Variants in TEK observed in about 807,000 individuals in gnomAD.
TEK encodes angiopoietin-1 receptor.
TEK carries 43 observed loss-of-function variants against 131.8 expected under a neutral mutation model. The observed-to-expected ratio is 0.33, with a 90% CI of 0.26 to 0.42. The LOEUF (loss-of-function observed/expected upper bound fraction) is 0.42. Among genes scored for constraint, TEK ranks in the 10% least tolerant of loss-of-function variants. The pLI is 1.00. For synonymous variants in TEK, 580 were observed against 491.6 expected (o/e 1.18, Z -2.38); for missense variants, 1,162 against 1,384.4 (o/e 0.84, Z 2.55).
intron 1 of TEK, among the ~76,000 whole-genome samples, chr9:27,112,608 A>G (rs994711044): frequency 3.3e-5 from 5 of 152,174 alleles, no homozygotes; most frequent in African/African-American, 1.2e-4. Context: ...TGGGGAATTT[A>G]GGTGGGTGGG....
chr9:27,209,218 A>G lies in TEK; in HGVS notation c.2673A>G (p.Ala891=), dbSNP rs759300480. 3 of 1,612,968 alleles carry G rather than the reference A, an allele frequency of 1.9e-6. No homozygotes were observed. Among genetic ancestry groups the G allele is most frequent in the Non-Finnish European group, 2.5e-6 (3 of 1,178,934 alleles). ...HHPNIINLLG[A]CEHRGYLYLA... The stretch of plus-strand genomic sequence containing the variant: ...CAAACATCATCAATCTCTTAGGAGC[A>G]TGTGAACATCGAGGTAAGATGCTCT... The change falls in exon 16 of 23, where the codon GCA becomes GCG. Residue 891 remains alanine, a synonymous_variant. Coordinates refer to ENST00000380036, the MANE Select transcript of TEK (RefSeq NM_000459.5).
chr9:27,109,802 T>C (rs928848342), intron 1 of TEK, among the ~76,000 whole-genome samples, 160 bp downstream of exon 1: 1 of 152,204 alleles, frequency 6.6e-6, no homozygotes, highest in African/African-American at 2.4e-5. Context: ...TGTGGAAGGA[T>C]TGAAATGCAA....
intron 2 of TEK, 64 bp downstream of exon 2, chr9:27,158,206 G>C (rs1823412920): frequency 6.3e-7 from 1 of 1,595,646 alleles, no homozygotes; most frequent in East Asian, 2.2e-5. Context: ...CTTTTGTCTT[G>C]GCAGCTGCTC....
At chr9:27,142,630 G>A (rs112183166) in intron 1 of TEK, among the ~76,000 whole-genome samples, 25 of 152,220 alleles carry the variant, frequency 1.6e-4, no homozygotes, top group Admixed American at 1.3e-3. Flanking sequence ...GAGAGTACTC[G>A]TGTTTCTACT....
At chr9:27,139,225 A>G (rs1230591178) in intron 1 of TEK, among the ~76,000 whole-genome samples, 1 of 149,824 alleles carries the variant, frequency 6.7e-6, no homozygotes, top group East Asian at 1.9e-4. Context: ...AAAAAAAAAA[A>G]CAGTAGGATT....
chr9:27,171,200 A>C (rs980785590), intron 4 of TEK, among the ~76,000 whole-genome samples: 2 of 152,172 alleles, frequency 1.3e-5, no homozygotes, highest in Non-Finnish European at 2.9e-5. Context: ...GAACTTCACA[A>C]ATAGAAAGAA....
At chr9:27,222,901 G>A (rs1353304977) in intron 21 of TEK, among the ~76,000 whole-genome samples, 2 of 151,856 alleles carry the variant, frequency 1.3e-5, no homozygotes, top group Non-Finnish European at 2.9e-5. Flanking sequence ...ATACACATAG[G>A]CTCAAAATAA....
At chr9:27,224,447 G>A (rs1044689176) in intron 21 of TEK, among the ~76,000 whole-genome samples, 1 of 152,006 alleles carries the variant, frequency 6.6e-6, no homozygotes, top group African/African-American at 2.4e-5. Flanking sequence ...ATGCAAGGCT[G>A]GTTCAACATA....
At chr9:27,119,355 C>T (rs924272472) in intron 1 of TEK, among the ~76,000 whole-genome samples, 4 of 152,062 alleles carry the variant, frequency 2.6e-5, no homozygotes, top group African/African-American at 4.8e-5. Context: ...AGAACAGTGC[C>T]GGCTCATAGT....
intron 13 of TEK, among the ~76,000 whole-genome samples, 181 bp downstream of exon 13, chr9:27,203,300 C>G (rs1825287561): frequency 6.6e-6 from 1 of 152,168 alleles, no homozygotes; most frequent in South Asian, 2.1e-4. Flanking sequence ...GGTCCGTTTT[C>G]TATTATTGAA....
chr9:27,116,498 A>G (rs756946830), intron 1 of TEK, among the ~76,000 whole-genome samples: 1 of 152,106 alleles, frequency 6.6e-6, no homozygotes, highest in African/African-American at 2.4e-5. Context: ...CACGTTGGCC[A>G]TGTCTTGAAC....
At chr9:27,191,995 T>C (rs1329485399) in intron 10 of TEK, 2 of 454,028 alleles carry the variant, frequency 4.4e-6, no homozygotes, top group African/African-American at 4.0e-5. Context: ...ATACCATTTG[T>C]TTATGGGTGC....
At chr9:27,217,231 G>A (rs1825848863) in intron 18 of TEK, among the ~76,000 whole-genome samples, 1 of 152,118 alleles carries the variant, frequency 6.6e-6, no homozygotes, top group Non-Finnish European at 1.5e-5. Flanking sequence ...ACATCTTATA[G>A]AACCATGCTG....
At chr9:27,156,183 A>G (rs999976174) in intron 1 of TEK, among the ~76,000 whole-genome samples, 4 of 152,136 alleles carry the variant, frequency 2.6e-5, no homozygotes, top group African/African-American at 9.7e-5. Context: ...GATCTGAAAT[A>G]AAATTTGCCC....
intron 18 of TEK, among the ~76,000 whole-genome samples, chr9:27,215,114 A>T (rs1176744376): frequency 6.6e-6 from 1 of 151,972 alleles, no homozygotes; most frequent in East Asian, 1.9e-4. Context: ...TCCACAATCT[A>T]CCCATTCTAT....
chr9:27,206,537 T>C, intron 14 of TEK, 45 bp from the exon 15 acceptor site: 1 of 1,584,228 alleles, frequency 6.3e-7, no homozygotes, highest in Non-Finnish European at 8.6e-7. Context: ...CCCTTAGAAT[T>C]ATGAAAAATC....
intron 11 of TEK, among the ~76,000 whole-genome samples, chr9:27,196,055 G>A (rs1824996951): frequency 6.6e-6 from 1 of 152,156 alleles, no homozygotes; most frequent in Admixed American, 6.5e-5. Context: ...TCTTGCTAAG[G>A]GGAAGGAACC....
At chr9:27,112,574 C>T (rs1821388696) in intron 1 of TEK, among the ~76,000 whole-genome samples, 1 of 152,172 alleles carries the variant, frequency 6.6e-6, no homozygotes, top group Non-Finnish European at 1.5e-5. Context: ...CTAAGTTCAT[C>T]TCAAAAGACT....
chr9:27,226,454 CAACATTCTCAGGAAACT>C (rs536514476), intron 21 of TEK, among the ~76,000 whole-genome samples: 439 of 152,226 alleles, frequency 2.9e-3, no homozygotes, highest in Middle Eastern at 6.8e-3. Context: ...AGCTGGAAAC[CAACATTCTCAGGAAACT>C]AGCACAAGAA....
Sources: allele counts gnomAD v4.1 joint callset (sites outside exome capture counted in the v4.1 genomes callset), GRCh38; gene constraint gnomAD v4.1.1; transcripts MANE v1.5; gene names NCBI Gene and HGNC (gene_info 2026-07-23, HGNC 2026-07-21).